The following TGFBRAP1 variants were observed in gnomAD, a reference collection of about 807,000 sequenced individuals.
TGFBRAP1 encodes the protein transforming growth factor-beta receptor-associated protein 1.
A neutral mutation model predicts 83.2 loss-of-function variants in TGFBRAP1; 20 were observed. The ratio of observed to expected loss-of-function variants is 0.24; its 90% CI spans 0.17 to 0.35. The LOEUF (loss-of-function observed/expected upper bound fraction) is 0.35, where lower values mean the gene tolerates loss of function less well. TGFBRAP1 is among the 10% of genes least tolerant of loss of function. The probability of loss-of-function intolerance (pLI) is 1.00; values close to 1 mark genes in which losing one functional copy is unlikely to be tolerated. For synonymous variants in TGFBRAP1, 415 were observed against 459.8 expected (o/e 0.90, Z 1.25); for missense variants, 950 against 1,099.4 (o/e 0.86, Z 1.92).
chr2:105,258,674 C>A, the TGFBRAP1 span, among the ~76,000 whole-genome samples: 1 of 151,068 alleles, frequency 6.6e-6, no homozygotes, highest in Non-Finnish European at 1.5e-5. Flanking sequence ...ATGGCCTGAA[C>A]CAATTCCTCA....
At chr2:105,306,064 T>TTG (rs1329347843) in intron 2 of TGFBRAP1, among the ~76,000 whole-genome samples, 11 of 97,928 alleles carry the variant, frequency 1.1e-4, no homozygotes, top group Non-Finnish European at 1.3e-4. Flanking sequence ...GTTTTTTGTT[T>TTG]TTTGTTTTTT....
At chr2:105,263,393 A>G (rs942131536), downstream of TGFBRAP1, among the ~76,000 whole-genome samples, 4 of 152,240 alleles carry the variant, frequency 2.6e-5, no homozygotes, top group Non-Finnish European at 5.9e-5. Context: ...TGGTTGGTGA[A>G]GCCCCAGGTG....
Position 105,271,591 on chromosome 2 carries a change from G to T in TGFBRAP1, c.1972+1264C>A, listed in dbSNP as rs928711433. Among the ~76,000 whole-genome samples the T allele has an allele frequency of 3.3e-5, 5 of 152,252 alleles. No homozygotes were observed. In the East Asian group the frequency reaches 9.6e-4, roughly 29 times the overall value. ...GGGCTGTGTGACCTGTGGCAAGCGG[G>T]GTAACCTCTCTGGGCTTCAGTGCAC... On this transcript the variant is annotated intron_variant, in intron 10 of 11. Coordinates refer to ENST00000393359, the MANE Select transcript of TGFBRAP1 (RefSeq NM_004257.6).
intron 10 of TGFBRAP1, among the ~76,000 whole-genome samples, chr2:105,272,017 A>G (rs1457292386): frequency 1.3e-5 from 2 of 152,162 alleles, no homozygotes; most frequent in Non-Finnish European, 2.9e-5. Flanking sequence ...TAAGCTCTGG[A>G]AGGTTGTGAT....
Position 105,265,030 on chromosome 2 carries a change from T to C in TGFBRAP1, c.*2353A>G, listed in dbSNP as rs1676874719. 1 of 152,236 alleles carries C rather than the reference T, an allele frequency of 6.6e-6. No individual in the cohort carries two copies. The highest frequency in any genetic ancestry group is 1.5e-5 in the Non-Finnish European group (1 of 68,046). The allele number at this position is 152,236 out of a possible 1,614,324, so 9.4% of individuals were successfully genotyped here. ...GTTAGAGAAAAGTACAGTTTTAACA[T>C]ATGAGACAATTCTTCATACTGTAAT... On this transcript the variant is annotated 3_prime_UTR_variant, in exon 12 of 12. Coordinates refer to ENST00000393359, the MANE Select transcript of TGFBRAP1 (RefSeq NM_004257.6).
In TGFBRAP1 at chr2:105,307,688, C is replaced by T. The variant is rs777441462; in HGVS notation, c.614G>A (p.Cys205Tyr). 6 of 1,614,152 alleles carry T rather than the reference C, an allele frequency of 3.7e-6. No homozygotes were observed. Among genetic ancestry groups the T allele is most frequent in the Non-Finnish European group, 5.1e-6 (6 of 1,180,040 alleles). ...GACGATCGGCGGCCTCTCCTCACTG[C>T]AGTAGGGAAACAGGTCCTGGGAGAC... ...TGVSQDLFPY[C>Y]SEERPPIVKR... Residue 205 changes from cysteine (C) to tyrosine (Y), a missense_variant, in exon 2 of 12, where the codon TGC becomes TAC. Transcript: ENST00000393359.
chr2:105,279,180 C>T (rs1677446430), intron 6 of TGFBRAP1, among the ~76,000 whole-genome samples: 1 of 152,120 alleles, frequency 6.6e-6, no homozygotes, highest in Non-Finnish European at 1.5e-5. Flanking sequence ...AAGCTGCTGG[C>T]CCCAACTAAG....
At chr2:105,312,061 G>T (rs1678713373) in intron 1 of TGFBRAP1, among the ~76,000 whole-genome samples, 1 of 152,074 alleles carries the variant, frequency 6.6e-6, no homozygotes, top group African/African-American at 2.4e-5. Context: ...AACTTGCTGG[G>T]GTTCTGAATC....
intron 1 of TGFBRAP1, among the ~76,000 whole-genome samples, chr2:105,326,201 T>C (rs550844117): frequency 3.9e-5 from 6 of 152,226 alleles, no homozygotes; most frequent in Non-Finnish European, 7.3e-5. Context: ...CACACATATA[T>C]ACACATACTA....
chr2:105,320,740 C>T (rs1223929269), intron 1 of TGFBRAP1, among the ~76,000 whole-genome samples: 3 of 152,076 alleles, frequency 2.0e-5, no homozygotes, highest in Non-Finnish European at 4.4e-5. Flanking sequence ...ACAATCAGTT[C>T]GGAATTGCTG....
chr2:105,300,049 G>A (rs948406198), intron 2 of TGFBRAP1, among the ~76,000 whole-genome samples: 5 of 152,140 alleles, frequency 3.3e-5, no homozygotes, highest in South Asian at 4.1e-4. Flanking sequence ...ATTTTCAATC[G>A]TGTACCCTTT....
rs751384842 is a variant in TGFBRAP1 at position 105,308,333 on chromosome 2, G to A, written c.-17-15C>T. On this transcript the variant is annotated splice_polypyrimidine_tract_variant and intron_variant, in intron 1 of 11. Coordinates refer to ENST00000393359, the MANE Select transcript of TGFBRAP1 (RefSeq NM_004257.6). ...TGGCTGATCTGCTGGAAGAGAAAGA[G>A]GAAAACTAATTTTAGAGGAACAAGG... 20 of 1,572,276 alleles carry A rather than the reference G, an allele frequency of 1.3e-5. No homozygotes were observed. The South Asian group carries it at 1.5e-4, about 12-fold the overall frequency.
At chr2:105,294,750 T>C (rs1678025741) in intron 4 of TGFBRAP1, among the ~76,000 whole-genome samples, 2 of 152,194 alleles carry the variant, frequency 1.3e-5, no homozygotes, top group Non-Finnish European at 2.9e-5. Flanking sequence ...ACTGACTGTG[T>C]AGCTCTACCC....
intron 5 of TGFBRAP1, among the ~76,000 whole-genome samples, chr2:105,281,677 T>C (rs1304642462): frequency 6.6e-6 from 1 of 152,166 alleles, no homozygotes; most frequent in Non-Finnish European, 1.5e-5. Context: ...CAAGCTACCC[T>C]ACACCTTCAG....
At chr2:105,299,341 A>G (rs951452421) in intron 2 of TGFBRAP1, among the ~76,000 whole-genome samples, 27 of 152,134 alleles carry the variant, frequency 1.8e-4, no homozygotes, top group Non-Finnish European at 3.8e-4. Context: ...TATAAGCCAC[A>G]TGAAGATTGA....
chr2:105,283,683 G>A (rs1436622763), intron 5 of TGFBRAP1, among the ~76,000 whole-genome samples: 1 of 152,216 alleles, frequency 6.6e-6, no homozygotes, highest in Non-Finnish European at 1.5e-5. Flanking sequence ...AGGGCAGCTG[G>A]AGGTGGCATG....
intron 1 of TGFBRAP1, among the ~76,000 whole-genome samples, chr2:105,316,167 T>C (rs1678846563): frequency 6.6e-6 from 1 of 152,118 alleles, no homozygotes; most frequent in Non-Finnish European, 1.5e-5. Flanking sequence ...AGTGTTTACT[T>C]TGGAAGGAAC....
chr2:105,255,112 G>T, the TGFBRAP1 span, among the ~76,000 whole-genome samples: 2 of 152,154 alleles, frequency 1.3e-5, no homozygotes, highest in Non-Finnish European at 2.9e-5. Context: ...AAATTTTAAT[G>T]TTCTATTCTC....
At chr2:105,259,349 T>C in the TGFBRAP1 span, among the ~76,000 whole-genome samples, 2 of 152,258 alleles carry the variant, frequency 1.3e-5, no homozygotes, top group South Asian at 4.1e-4. Flanking sequence ...ACGCATGCTG[T>C]CTATACTGCC....
Sources: gnomAD v4.1 joint callset for allele counts (sites outside exome capture counted in the v4.1 genomes callset) on GRCh38, gnomAD v4.1.1 for gene constraint, MANE v1.5 for transcripts, NCBI Gene and HGNC (gene_info 2026-07-23, HGNC 2026-07-21) for gene names.